CDADC1: variants seen among roughly 807,000 people sequenced by gnomAD.
The protein encoded by CDADC1 is dCTP deaminase.
CDADC1 carries 39 observed loss-of-function variants against 54.9 expected under a neutral mutation model. That is an observed-to-expected ratio of 0.71 (90% CI 0.55 to 0.93). CDADC1 has a LOEUF of 0.93. Among genes scored for constraint, CDADC1 ranks in the 40% least tolerant of loss-of-function variants. CDADC1 has a pLI of 0.00. For synonymous variants in CDADC1, 186 were observed against 204.0 expected (o/e 0.91, Z 0.75); for missense variants, 518 against 618.8 (o/e 0.84, Z 1.73).
At chr13:49,285,164 CTTTTTTTTTTCTTTTTTCT>C (rs1566377978) in intron 8 of CDADC1, among the ~76,000 whole-genome samples, 1 of 143,502 alleles carries the variant, frequency 7.0e-6, no homozygotes, top group Non-Finnish European at 1.5e-5. Context: ...TTTTTCTTTT[CTTTTTTTTTTCTTTTTTCT>C]TTTTTTTTTT....
In CDADC1 at chr13:49,291,954, A is replaced by C; in HGVS notation, c.*197A>C. 1 of 1,350,634 alleles carries C rather than the reference A, an allele frequency of 7.4e-7. No homozygotes were observed. Among genetic ancestry groups the C allele is most frequent in the Non-Finnish European group, 9.5e-7 (1 of 1,050,050 alleles). 83.7% of individuals were successfully genotyped at this position (1,350,634 alleles called of 1,614,324 possible). On this transcript the variant is annotated 3_prime_UTR_variant, in exon 10 of 10. Transcript: ENST00000251108. ...TTAGATTTATGTGTGGGTTTTCCAT[A>C]ATGTAGTAGTGTGTTATTTTATTAC...
chr13:49,284,523 GTT>G (rs1284648158), intron 8 of CDADC1, among the ~76,000 whole-genome samples: 1 of 152,130 alleles, frequency 6.6e-6, no homozygotes, highest in African/African-American at 2.4e-5. Flanking sequence ...AGGATTACTT[GTT>G]TTTACTTTGT....
chr13:49,265,795 A>G, intron 4 of CDADC1: 17 of 1,202,646 alleles, frequency 1.4e-5, no homozygotes, highest in Non-Finnish European at 1.8e-5. Context: ...TCCTGAGATC[A>G]AAAAATTTGA....
At chr13:49,260,660 AC>A (rs1488014095) in intron 4 of CDADC1, among the ~76,000 whole-genome samples, 2 of 152,304 alleles carry the variant, frequency 1.3e-5, no homozygotes, top group African/African-American at 4.8e-5. Flanking sequence ...TCTGTTTTGC[AC>A]CCAGGTATAT....
At chr13:49,261,660 G>C (rs1593803586) in intron 4 of CDADC1, among the ~76,000 whole-genome samples, 1 of 152,214 alleles carries the variant, frequency 6.6e-6, no homozygotes, top group Non-Finnish European at 1.5e-5. Context: ...AGAAATGAAA[G>C]AATGTGAAAG....
intron 2 of CDADC1, among the ~76,000 whole-genome samples, chr13:49,251,959 A>T (rs1952443670): frequency 6.6e-6 from 1 of 152,176 alleles, no homozygotes; most frequent in African/African-American, 2.4e-5. Flanking sequence ...TTTGTTTCAG[A>T]TATTTTATTT....
intron 9 of CDADC1, among the ~76,000 whole-genome samples, chr13:49,287,466 GTATC>G (rs55902616): frequency 0.025 from 3,690 of 146,054 alleles, 155 homozygotes; most frequent in African/African-American, 0.086. Flanking sequence ...AAAAAAGGCT[GTATC>G]TATCTATCTA....
chr13:49,261,258 G>A lies in CDADC1; in HGVS notation c.430+1735G>A, dbSNP rs55843974. On this transcript the variant is annotated intron_variant, in intron 4 of 9. Coordinates refer to ENST00000251108, the MANE Select transcript of CDADC1 (RefSeq NM_030911.4). Reference sequence around the variant, plus strand: ...AATGGCAGAACTTCTAGAAGAAATGGATCATGTGGCTAGAAACCTCTCGGC... The same window carrying A: ...AATGGCAGAACTTCTAGAAGAAATGAATCATGTGGCTAGAAACCTCTCGGC... Among the ~76,000 whole-genome samples, 198 of 152,300 alleles carry A rather than the reference G, an allele frequency of 1.3e-3. 2 individuals carry two copies. Among genetic ancestry groups the A allele is most frequent in the African/African-American group, 4.5e-3 (188 of 41,562 alleles).
chr13:49,255,811 T>C (rs764853151), intron 2 of CDADC1, 28 bp from the exon 3 acceptor site: 6 of 1,606,126 alleles, frequency 3.7e-6, no homozygotes, highest in Non-Finnish European at 5.1e-6. Context: ...TGCTAATCTT[T>C]TTTTTTCCTT....
intron 2 of CDADC1, among the ~76,000 whole-genome samples, chr13:49,253,036 GAA>G (rs924123245): frequency 2.4e-4 from 37 of 151,960 alleles, no homozygotes; most frequent in African/African-American, 7.0e-4. Context: ...CCAATTAAGA[GAA>G]AAAAAGTCTT....
At chr13:49,251,679 T>G (rs183892316) in intron 2 of CDADC1, among the ~76,000 whole-genome samples, 99 of 152,332 alleles carry the variant, frequency 6.5e-4, no homozygotes, top group Admixed American at 2.8e-3. Context: ...CACACCCTAC[T>G]GTTTCCTCAT....
intron 2 of CDADC1, among the ~76,000 whole-genome samples, chr13:49,250,192 T>G (rs1952393142): frequency 1.3e-5 from 2 of 152,202 alleles, no homozygotes; most frequent in Admixed American, 1.3e-4. Flanking sequence ...TGCCCATAAT[T>G]CTGCTGAAAG....
intron 4 of CDADC1, among the ~76,000 whole-genome samples, 198 bp downstream of exon 4, chr13:49,259,721 C>G (rs1435008046): frequency 1.3e-5 from 2 of 151,994 alleles, no homozygotes; most frequent in African/African-American, 4.8e-5. Context: ...GTGATGCACG[C>G]CTGTAGTCCC....
chr13:49,271,254 A>G (rs985618302), intron 5 of CDADC1, among the ~76,000 whole-genome samples: 4 of 190 alleles, frequency 0.021, no homozygotes, highest in African/African-American at 0.026. Context: ...AAAAAGTGGA[A>G]AAAAAAAGTG....
rs1953754507 is a variant in CDADC1, at chr13:49,292,991, C to T, written c.*1234C>T. On this transcript the variant is annotated 3_prime_UTR_variant, in exon 10 of 10. Transcript: ENST00000251108. ...AGCCTGTGTAGGACCATGGGGAGTTCAGAGTCATCATACAAGGCAGCCAAG... is the reference window on the plus strand; with the variant it reads ...AGCCTGTGTAGGACCATGGGGAGTTTAGAGTCATCATACAAGGCAGCCAAG... 7.2e-6 allele frequency: 2 copies of T among 278,200 alleles called. No individual in the cohort carries two copies. Among genetic ancestry groups the T allele is most frequent in the Non-Finnish European group, 1.4e-5 (2 of 142,568 alleles). 17.2% of individuals were successfully genotyped at this position (278,200 alleles called of 1,614,324 possible).
chr13:49,248,350 C>T (rs1321942043), intron 1 of CDADC1: 1 of 495,792 alleles, frequency 2.0e-6, no homozygotes, highest in Non-Finnish European at 3.6e-6. Flanking sequence ...TCTCACAGGA[C>T]CTAGAGCTGG....
At position 49,250,500 on chromosome 13, in the gene CDADC1, T is replaced by C. The variant is rs10492506; in HGVS notation, c.177+1535T>C. On this transcript the variant is annotated intron_variant, in intron 2 of 9. Transcript: ENST00000251108. ...TTCACAGAGAAGGTCGTATTTGCACTGAGACATGAAGGATTAGTGGACTTT... is the reference window on the plus strand; with the variant it reads ...TTCACAGAGAAGGTCGTATTTGCACCGAGACATGAAGGATTAGTGGACTTT... Among the ~76,000 whole-genome samples, 890 of 152,270 alleles carry C rather than the reference T, an allele frequency of 5.8e-3. 17 individuals carry two copies. Among genetic ancestry groups the C allele is most frequent in the East Asian group, 0.046 (236 of 5,170 alleles).
chr13:49,266,173 A>C (rs1007431882), intron 4 of CDADC1, among the ~76,000 whole-genome samples: 3 of 151,436 alleles, frequency 2.0e-5, no homozygotes, highest in Non-Finnish European at 3.0e-5. Flanking sequence ...TACAATCACA[A>C]AAAAAAAATC....
rs1197530467 is a variant in CDADC1 at position 49,280,709 on chromosome 13, AC to A, written c.1410+12del. The A allele has an allele frequency of 6.5e-7, 1 of 1,540,996 alleles. No homozygotes were observed. ...GTTAGCAAATTTACGGTAAGTAGATACACATTTTTTTCAGGTGTATTTTGTA... is the reference window on the plus strand; with the variant it reads ...GTTAGCAAATTTACGGTAAGTAGATAACATTTTTTTCAGGTGTATTTTGTA... On this transcript the variant is annotated intron_variant, in intron 8 of 9. Transcript: ENST00000251108.
Sources: gnomAD v4.1 joint callset for allele counts (sites outside exome capture counted in the v4.1 genomes callset) on GRCh38, gnomAD v4.1.1 for gene constraint, MANE v1.5 for transcripts, NCBI Gene and HGNC (gene_info 2026-07-23, HGNC 2026-07-21) for gene names.